NVL: variants seen among roughly 807,000 people sequenced by gnomAD.
NVL encodes nuclear VCP like.
Under a neutral mutation model 110.2 loss-of-function variants are expected in NVL, and 84 were observed. The ratio of observed to expected loss-of-function variants is 0.76; its 90% CI spans 0.64 to 0.91. The LOEUF is 0.91. Ranked by LOEUF, NVL falls within the 40% of genes least tolerant of loss-of-function variation. NVL has a pLI of 0.00. For synonymous variants in NVL, 354 were observed against 361.1 expected (o/e 0.98, Z 0.22); for missense variants, 882 against 1,035.9 (o/e 0.85, Z 2.04).
In NVL at chr1:224,229,440, A is replaced by AT. The variant is rs552284587; in HGVS notation, c.2527-1771_2527-1770insA. 9.3e-3 allele frequency among the ~76,000 whole-genome samples: 1,407 copies of AT among 152,070 alleles called. 16 individuals are homozygous for AT. The highest frequency in any genetic ancestry group is 0.031 in the African/African-American group (1,297 of 41,510). ...TCTCACTGTGGTCAAATTAAAAAAA[A>AT]ATTTTTTTTTTTGAGACGGAGTCTC... On this transcript the variant is annotated intron_variant, in intron 22 of 22. Coordinates refer to ENST00000281701, the MANE Select transcript of NVL (RefSeq NM_002533.4).
At chr1:224,307,268 C>A (rs765844094) in intron 6 of NVL, among the ~76,000 whole-genome samples, 13 of 152,086 alleles carry the variant, frequency 8.5e-5, no homozygotes, top group Non-Finnish European at 1.3e-4. Flanking sequence ...AAATTTACAG[C>A]TGAGGAAATA....
intron 8 of NVL, among the ~76,000 whole-genome samples, 190 bp downstream of exon 8, chr1:224,304,546 G>C (rs570597830): frequency 6.6e-6 from 1 of 151,902 alleles, no homozygotes; most frequent in African/African-American, 2.4e-5. Flanking sequence ...TAAAATAATA[G>C]AAAAGTTCAA....
intron 2 of NVL, among the ~76,000 whole-genome samples, chr1:224,324,384 T>A (rs1670939508): frequency 6.6e-6 from 1 of 152,238 alleles, no homozygotes; most frequent in Non-Finnish European, 1.5e-5. Flanking sequence ...GGATAAATCA[T>A]ACCTTGAATC....
At chr1:224,254,572 G>T (rs80108655) in intron 18 of NVL, among the ~76,000 whole-genome samples, 12,115 of 134,132 alleles carry the variant, frequency 0.09, 1,172 homozygotes, top group East Asian at 0.41. Flanking sequence ...TGTTTTTTTT[G>T]TTTTTTTTTT....
chr1:224,274,035 A>AACACACAC (rs1224878158), intron 17 of NVL, among the ~76,000 whole-genome samples: 2,305 of 145,620 alleles, frequency 0.016, 37 homozygotes, highest in African/African-American at 0.037. Context: ...ATGACCTAAC[A>AACACACAC]ACACACACAC....
intron 2 of NVL, among the ~76,000 whole-genome samples, chr1:224,322,007 AG>A (rs2102788111): frequency 6.6e-6 from 1 of 152,198 alleles, no homozygotes; most frequent in East Asian, 1.9e-4. Context: ...CTAAGAAAAA[AG>A]GTTACCAACA....
At chr1:224,269,775 G>A (rs999164204) in intron 17 of NVL, 2 of 137,142 alleles carry the variant, frequency 1.5e-5, no homozygotes, top group Non-Finnish European at 3.2e-5. Context: ...TGAGACAGGG[G>A]TCTTGTTCTG....
At chr1:224,255,173 A>T (rs1207080455) in intron 18 of NVL, among the ~76,000 whole-genome samples, 2 of 141,256 alleles carry the variant, frequency 1.4e-5, no homozygotes, top group Non-Finnish European at 3.0e-5. Flanking sequence ...CTGGCCCAAA[A>T]TGGTGTAGGT....
At chr1:224,277,340 C>T (rs912732584) in intron 16 of NVL, among the ~76,000 whole-genome samples, 4 of 152,124 alleles carry the variant, frequency 2.6e-5, no homozygotes, top group Admixed American at 2.0e-4. Flanking sequence ...CCTGGAAAAT[C>T]GAATTCAGCA....
intron 5 of NVL, among the ~76,000 whole-genome samples, chr1:224,309,340 G>C (rs552532586): frequency 2.0e-4 from 30 of 152,092 alleles, no homozygotes; most frequent in African/African-American, 6.0e-4. Flanking sequence ...GCAACACAGC[G>C]AGACCCTGTG....
chr1:224,289,675 A>G lies in NVL; in HGVS notation c.1384T>C (p.Leu462=). The change falls in exon 13 of 23, where the codon TTA becomes CTA. Residue 462 remains leucine (L), a synonymous_variant. Transcript: ENST00000281701. ...ACAAAGCCTGGAGTTAGGTGTGCTAAGTGACAGAAATCAAAAGCTTGAGGA... is the reference window on the plus strand; with the variant it reads ...ACAAAGCCTGGAGTTAGGTGTGCTAGGTGACAGAAATCAAAAGCTTGAGGA... The part of the protein sequence containing the change: ...RLPQAFDFCH[L]AHLTPGFVGA... 6.2e-7 allele frequency: 1 copy of G among 1,614,260 alleles called. No individual in the cohort carries two copies. The highest frequency in any genetic ancestry group is 8.5e-7 in the Non-Finnish European group (1 of 1,180,040).
chr1:224,329,834 C>T (rs1671507395), intron 1 of NVL, among the ~76,000 whole-genome samples: 1 of 152,198 alleles, frequency 6.6e-6, no homozygotes, highest in African/African-American at 2.4e-5. Flanking sequence ...ACAACTTGGG[C>T]AGCCCTACCA....
intron 16 of NVL, among the ~76,000 whole-genome samples, chr1:224,276,130 A>T (rs1312066903): frequency 1.3e-5 from 2 of 152,224 alleles, no homozygotes; most frequent in East Asian, 1.9e-4. Flanking sequence ...GGCATAAGAA[A>T]TTTTTCTTGT....
intron 16 of NVL, 123 bp from the exon 17 acceptor site, chr1:224,275,581 G>T: frequency 8.1e-7 from 1 of 1,241,812 alleles, no homozygotes; most frequent in Non-Finnish European, 1.1e-6. Context: ...GAAAGTATCA[G>T]AATGAACCAT....
intron 17 of NVL, among the ~76,000 whole-genome samples, chr1:224,271,699 G>A (rs1004444574): frequency 2.6e-4 from 39 of 152,098 alleles, no homozygotes; most frequent in African/African-American, 9.2e-4. Flanking sequence ...GTGTATTCAT[G>A]TATAACTAGT....
intron 22 of NVL, among the ~76,000 whole-genome samples, chr1:224,230,519 G>A (rs1052303832): frequency 3.3e-5 from 5 of 151,900 alleles, no homozygotes; most frequent in African/African-American, 9.7e-5. Flanking sequence ...CAGAAGAATC[G>A]CTTGAACCCA....
Position 224,250,192 on chromosome 1 carries a change from A to G in NVL, c.2289+20T>C, listed in dbSNP as rs750626940. 6.2e-7 allele frequency: 1 copy of G among 1,605,452 alleles called. No individual in the cohort carries two copies. Among genetic ancestry groups the G allele is most frequent in the Admixed American group, 1.7e-5 (1 of 57,976 alleles). On this transcript the variant is annotated intron_variant, in intron 19 of 22. Coordinates refer to ENST00000281701, the MANE Select transcript of NVL (RefSeq NM_002533.4). ...AAACAAGAGAAACATATACAAAAAT[A>G]TACCATTTCCTTTACTCACTTTTGT...
chr1:224,286,298 T>C (rs543116194), intron 14 of NVL, among the ~76,000 whole-genome samples, 168 bp from the exon 15 acceptor site: 2 of 151,908 alleles, frequency 1.3e-5, no homozygotes, highest in African/African-American at 4.8e-5. Context: ...TTCTGCCTCC[T>C]GGGTTCAAGC....
chr1:224,311,898 C>T (rs1669563615), intron 4 of NVL, 41 bp from the exon 5 acceptor site: 1 of 1,480,180 alleles, frequency 6.8e-7, no homozygotes. Flanking sequence ...GACTTTCTCT[C>T]CCATATCCTA....
Sources: allele counts gnomAD v4.1 joint callset (sites outside exome capture counted in the v4.1 genomes callset), GRCh38; gene constraint gnomAD v4.1.1; transcripts MANE v1.5; gene names NCBI Gene and HGNC (gene_info 2026-07-23, HGNC 2026-07-21).